Variants in TYR observed in about 807,000 individuals in gnomAD.
TYR encodes tyrosinase.
Under a neutral mutation model 51.5 loss-of-function variants are expected in TYR, and 58 were observed. That is an observed-to-expected ratio of 1.13 (90% CI 0.91 to 1.40). The LOEUF is 1.40. Among genes scored for constraint, TYR ranks in the 40% most tolerant of loss-of-function variants. The pLI is 0.00. For synonymous variants in TYR, 263 were observed against 235.2 expected, an observed-to-expected ratio of 1.12 and a Z score of -1.08; for missense variants, 732 against 647.4, an observed-to-expected ratio of 1.13 and a Z score of -1.42.
intron 1 of TYR, among the ~76,000 whole-genome samples, chr11:89,184,184 G>A (rs545064486): frequency 1.2e-3 from 180 of 151,302 alleles, no homozygotes; most frequent in Non-Finnish European, 1.8e-3. Context: ...TTTTCTCCTC[G>A]TTAGTAATAC....
At chr11:89,271,398 A>G (rs1226977015) in intron 3 of TYR, among the ~76,000 whole-genome samples, 1 of 151,952 alleles carries the variant, frequency 6.6e-6, no homozygotes, top group Non-Finnish European at 1.5e-5. Flanking sequence ...AGTTATATTT[A>G]CACTATATTG....
At chr11:89,276,947 G>A (rs1944661476) in intron 3 of TYR, among the ~76,000 whole-genome samples, 1 of 151,712 alleles carries the variant, frequency 6.6e-6, no homozygotes, top group South Asian at 2.1e-4. Flanking sequence ...TGTAAAATGA[G>A]GGGTTTGGAA....
intron 1 of TYR, among the ~76,000 whole-genome samples, chr11:89,185,726 G>T (rs1022016482): frequency 6.6e-6 from 1 of 152,024 alleles, no homozygotes; most frequent in Non-Finnish European, 1.5e-5. Flanking sequence ...CTTTTGCTTC[G>T]AATGTATCTC....
chr11:89,211,606 T>G (rs1466300465), intron 2 of TYR, among the ~76,000 whole-genome samples: 1 of 152,176 alleles, frequency 6.6e-6, no homozygotes, highest in Non-Finnish European at 1.5e-5. Flanking sequence ...ATGGACCTAA[T>G]AGACATCTAC....
intron 3 of TYR, among the ~76,000 whole-genome samples, chr11:89,278,742 T>A (rs1437423145): frequency 6.6e-6 from 1 of 151,712 alleles, no homozygotes; most frequent in Non-Finnish European, 1.5e-5. Context: ...CATGTTGATA[T>A]AATTATTATC....
At chr11:89,288,580 T>C (rs538131148) in intron 4 of TYR, among the ~76,000 whole-genome samples, 3 of 152,006 alleles carry the variant, frequency 2.0e-5, no homozygotes, top group Non-Finnish European at 4.4e-5. Flanking sequence ...TGAAATGCTT[T>C]AGAGTAATTT....
chr11:89,294,874 C>A (rs1944888688), intron 4 of TYR, among the ~76,000 whole-genome samples: 1 of 152,170 alleles, frequency 6.6e-6, no homozygotes, highest in South Asian at 2.1e-4. Context: ...TGAGTACACA[C>A]TATATACCAG....
intron 3 of TYR, among the ~76,000 whole-genome samples, chr11:89,276,256 G>T (rs968300469): frequency 2.0e-5 from 3 of 151,828 alleles, no homozygotes; most frequent in Non-Finnish European, 4.4e-5. Flanking sequence ...GAAATAAGGA[G>T]CATGTTTAAC....
chr11:89,272,370 G>A (rs1348225778), intron 3 of TYR, among the ~76,000 whole-genome samples: 2 of 151,678 alleles, frequency 1.3e-5, no homozygotes, highest in African/African-American at 2.4e-5. Context: ...CCTTGTCAAT[G>A]TGCAGTAATA....
intron 3 of TYR, among the ~76,000 whole-genome samples, chr11:89,241,829 A>AGG (rs1491191956): frequency 2.0e-4 from 30 of 147,458 alleles, no homozygotes; most frequent in Non-Finnish European, 4.3e-4. Flanking sequence ...TATACTATAC[A>AGG]TATATATATT....
chr11:89,254,021 G>A (rs951264374), intron 3 of TYR, among the ~76,000 whole-genome samples: 5 of 151,648 alleles, frequency 3.3e-5, no homozygotes, highest in African/African-American at 1.2e-4. Context: ...TTTGATGAAG[G>A]TTTTAATCAT....
At chr11:89,246,145 G>A (rs1461755922) in intron 3 of TYR, among the ~76,000 whole-genome samples, 2 of 132,252 alleles carry the variant, frequency 1.5e-5, no homozygotes, top group Non-Finnish European at 3.2e-5. Flanking sequence ...TAAAAGGCAG[G>A]ACATGACATC....
At chr11:89,265,042 C>T (rs1944510052) in intron 3 of TYR, among the ~76,000 whole-genome samples, 1 of 151,950 alleles carries the variant, frequency 6.6e-6, no homozygotes, top group Non-Finnish European at 1.5e-5. Context: ...ATTAGGTAAT[C>T]AGGCCTCTGA....
chr11:89,281,789 T>G (rs1437855841), intron 3 of TYR, among the ~76,000 whole-genome samples: 1 of 151,786 alleles, frequency 6.6e-6, no homozygotes, highest in East Asian at 1.9e-4. Context: ...CAGCTTTTAT[T>G]TATAAAACAC....
At chr11:89,201,918 G>A (rs1218446001) in intron 2 of TYR, among the ~76,000 whole-genome samples, 1 of 152,042 alleles carries the variant, frequency 6.6e-6, no homozygotes, top group East Asian at 1.9e-4. Context: ...AGGATGAAAT[G>A]TCAAAGAATG....
chr11:89,265,968 G>T (rs917847141), intron 3 of TYR, among the ~76,000 whole-genome samples: 4 of 151,944 alleles, frequency 2.6e-5, no homozygotes, highest in African/African-American at 9.7e-5. Context: ...TAAATGGTAA[G>T]TACATGGGAG....
chr11:89,268,001 C>CA (rs1221113709), intron 3 of TYR, among the ~76,000 whole-genome samples: 4 of 151,860 alleles, frequency 2.6e-5, no homozygotes, highest in Non-Finnish European at 4.4e-5. Context: ...TACTTTTGTA[C>CA]AAATACCTCA....
At chr11:89,225,986 C>T (rs1778181075) in intron 2 of TYR, among the ~76,000 whole-genome samples, 1 of 152,004 alleles carries the variant, frequency 6.6e-6, no homozygotes, top group East Asian at 1.9e-4. Context: ...ACAATTGTTA[C>T]ATACCAATGA....
chr11:89,222,781 T>C (rs1481967227), intron 2 of TYR, among the ~76,000 whole-genome samples: 5 of 151,966 alleles, frequency 3.3e-5, no homozygotes, highest in African/African-American at 1.2e-4. Flanking sequence ...TGAAACTGGG[T>C]TTATTAATTT....
Sources: gnomAD v4.1 joint callset for allele counts (sites outside exome capture counted in the v4.1 genomes callset) on GRCh38, gnomAD v4.1.1 for gene constraint, MANE v1.5 for transcripts, NCBI Gene and HGNC (gene_info 2026-07-23, HGNC 2026-07-21) for gene names.